The following GRID2 variants were observed in gnomAD, a reference collection of about 807,000 sequenced individuals.
The protein encoded by GRID2 is glutamate ionotropic receptor delta type subunit 2, also known as glutamate receptor ionotropic, delta-2.
In GRID2, 33 loss-of-function variants were observed where a neutral mutation model predicts 114.8. The observed-to-expected ratio is 0.29, with a 90% CI of 0.22 to 0.38. The LOEUF (loss-of-function observed/expected upper bound fraction) is 0.38, where lower values mean the gene tolerates loss of function less well. GRID2 is among the 10% of genes least tolerant of loss of function. The pLI is 1.00. For synonymous variants in GRID2, 505 were observed against 449.9 expected (o/e 1.12, Z -1.55); for missense variants, 1,184 against 1,257.7 (o/e 0.94, Z 0.89).
intron 2 of GRID2, among the ~76,000 whole-genome samples, chr4:92,793,612 C>G (rs1941846534): frequency 6.6e-6 from 1 of 151,306 alleles, no homozygotes; most frequent in Non-Finnish European, 1.5e-5. Context: ...ATCAGGCTTA[C>G]TTACTTTGAA....
intron 1 of GRID2, among the ~76,000 whole-genome samples, chr4:92,576,735 G>A (rs532907561): frequency 4.9e-4 from 75 of 152,292 alleles, no homozygotes; most frequent in South Asian, 1.2e-3. Context: ...TGGTAGAAGT[G>A]TGGTTTCCTG....
At chr4:93,785,961 C>T (rs983698141) in intron 1 of GRID2, among the ~76,000 whole-genome samples, 12 of 152,094 alleles carry the variant, frequency 7.9e-5, no homozygotes, top group African/African-American at 1.9e-4. Context: ...GTCTATTTAG[C>T]GCAAAGTAAG....
At chr4:92,415,578 C>T (rs1042339773) in intron 1 of GRID2, among the ~76,000 whole-genome samples, 5 of 151,120 alleles carry the variant, frequency 3.3e-5, no homozygotes, top group South Asian at 4.2e-4. Context: ...TTTGGTTTTC[C>T]ATTTCTGAGT....
chr4:93,388,762 G>A (rs1241972695), intron 8 of GRID2, among the ~76,000 whole-genome samples: 1 of 152,180 alleles, frequency 6.6e-6, no homozygotes, highest in Non-Finnish European at 1.5e-5. Flanking sequence ...AGGATGGTAG[G>A]AAGGAACGAG....
At chr4:92,529,891 A>G (rs954750898) in intron 1 of GRID2, among the ~76,000 whole-genome samples, 1 of 152,130 alleles carries the variant, frequency 6.6e-6, no homozygotes, top group African/African-American at 2.4e-5. Context: ...GGAGAATAGT[A>G]AAAAGCTTTA....
At chr4:92,752,157 T>C (rs1737483424) in intron 2 of GRID2, among the ~76,000 whole-genome samples, 1 of 152,206 alleles carries the variant, frequency 6.6e-6, no homozygotes, top group Admixed American at 6.5e-5. Context: ...AGCAGTATTC[T>C]GTACCTCAAA....
intron 1 of GRID2, among the ~76,000 whole-genome samples, chr4:92,492,490 G>A (rs780597240): frequency 2.6e-5 from 4 of 152,178 alleles, no homozygotes; most frequent in Admixed American, 2.0e-4. Context: ...TTATTTTGTA[G>A]TGATCATTGG....
intron 4 of GRID2, among the ~76,000 whole-genome samples, chr4:93,178,930 A>C (rs980181731): frequency 3.3e-5 from 5 of 152,168 alleles, no homozygotes; most frequent in Non-Finnish European, 5.9e-5. Context: ...TAGCTCACTT[A>C]AAGTGGGCTG....
chr4:93,538,471 G>T (rs139213801), intron 13 of GRID2, among the ~76,000 whole-genome samples: 2 of 151,346 alleles, frequency 1.3e-5, no homozygotes, highest in Admixed American at 6.6e-5. Flanking sequence ...TAGATACTGC[G>T]TTCCTACAGG....
chr4:92,896,547 T>C (rs1466710588), intron 2 of GRID2, among the ~76,000 whole-genome samples: 2 of 150,518 alleles, frequency 1.3e-5, no homozygotes, highest in African/African-American at 4.9e-5. Context: ...GTTACCATAT[T>C]TTATAATATT....
intron 2 of GRID2, among the ~76,000 whole-genome samples, chr4:92,937,141 T>C (rs2149529251): frequency 6.8e-6 from 1 of 146,618 alleles, no homozygotes; most frequent in South Asian, 2.3e-4. Flanking sequence ...TCTTTCTCTT[T>C]CCCTTTCTCT....
At chr4:92,761,761 T>A (rs761948799) in intron 2 of GRID2, among the ~76,000 whole-genome samples, 3 of 152,100 alleles carry the variant, frequency 2.0e-5, no homozygotes, top group Non-Finnish European at 1.5e-5. Flanking sequence ...CTATCAATAA[T>A]GCACAGCTGG....
chr4:93,432,933 G>A (rs1769561136), intron 10 of GRID2, among the ~76,000 whole-genome samples: 1 of 152,122 alleles, frequency 6.6e-6, no homozygotes, highest in Non-Finnish European at 1.5e-5. Context: ...AGCTAGACAT[G>A]GTGGTGCATG....
intron 1 of GRID2, among the ~76,000 whole-genome samples, chr4:92,557,244 G>T (rs1726895470): frequency 6.6e-6 from 1 of 151,764 alleles, no homozygotes; most frequent in African/African-American, 2.4e-5. Context: ...CAAGTAACCA[G>T]ATTTTCAAAT....
Position 93,109,955 on chromosome 4 carries a change from CACTGGACA to C in GRID2, c.530-792_530-785del, listed in dbSNP as rs377370038. Among the ~76,000 whole-genome samples, 591 of 152,168 alleles carry C rather than the reference CACTGGACA, an allele frequency of 3.9e-3. 6 individuals carry two copies. The highest frequency in any genetic ancestry group is 0.014 in the African/African-American group (573 of 41,538). On this transcript the variant is annotated intron_variant, in intron 3 of 15. Coordinates refer to ENST00000282020, the MANE Select transcript of GRID2 (RefSeq NM_001510.4). The stretch of plus-strand genomic sequence containing the variant: ...TTTTCTTATTTAAGTGTGACGTGGA[CACTGGACA>C]TTTTAATTTGATAAATTTCTAGAAC...
intron 8 of GRID2, among the ~76,000 whole-genome samples, chr4:93,339,218 A>G (rs1477952619): frequency 2.6e-5 from 4 of 152,220 alleles, no homozygotes; most frequent in Non-Finnish European, 5.9e-5. Context: ...CAAAAAAGAT[A>G]TCTTGAAGTC....
chr4:92,701,547 C>T (rs1045158721), intron 2 of GRID2, among the ~76,000 whole-genome samples: 3 of 151,926 alleles, frequency 2.0e-5, no homozygotes, highest in African/African-American at 7.3e-5. Flanking sequence ...AATGTTTAGC[C>T]ACGATGATAA....
chr4:93,331,626 A>G (rs1198911481), intron 8 of GRID2, among the ~76,000 whole-genome samples: 1 of 152,142 alleles, frequency 6.6e-6, no homozygotes, highest in African/African-American at 2.4e-5. Context: ...GGCTAGCAAT[A>G]GCAGCCATTC....
chr4:92,543,519 A>G (rs1726085310), intron 1 of GRID2, among the ~76,000 whole-genome samples: 1 of 152,168 alleles, frequency 6.6e-6, no homozygotes, highest in African/African-American at 2.4e-5. Flanking sequence ...ATCATCAGGC[A>G]TTTATTTTGT....
Sources: allele counts gnomAD v4.1 joint callset (sites outside exome capture counted in the v4.1 genomes callset), GRCh38; gene constraint gnomAD v4.1.1; transcripts MANE v1.5; gene names NCBI Gene and HGNC (gene_info 2026-07-23, HGNC 2026-07-21).